The following CFAP20DC variants were observed in gnomAD, a reference collection of about 807,000 sequenced individuals.
CFAP20DC encodes the protein CFAP20 domain containing, also known as protein CFAP20DC.
CFAP20DC carries 84 observed loss-of-function variants against 101.7 expected under a neutral mutation model. The observed-to-expected ratio is 0.83, with a 90% confidence interval of 0.69 to 0.99. CFAP20DC has a LOEUF of 0.99. Among genes scored for constraint, CFAP20DC ranks in the 50% least tolerant of loss-of-function variants. CFAP20DC has a pLI of 0.00. For synonymous variants in CFAP20DC, 359 were observed against 351.2 expected (o/e 1.02, Z -0.25); for missense variants, 1,007 against 970.3 (o/e 1.04, Z -0.50).
intron 4 of CFAP20DC, among the ~76,000 whole-genome samples, chr3:59,008,604 A>G (rs2093497605): frequency 6.6e-6 from 1 of 152,124 alleles, no homozygotes; most frequent in Non-Finnish European, 1.5e-5. Flanking sequence ...CAAAACTATC[A>G]CAAGGACAAA....
At chr3:58,934,506 T>G (rs1348305778) in intron 5 of CFAP20DC, among the ~76,000 whole-genome samples, 3 of 152,112 alleles carry the variant, frequency 2.0e-5, no homozygotes, top group Non-Finnish European at 4.4e-5. Flanking sequence ...TGATGAACAT[T>G]GATGCAAAAA....
chr3:58,818,099 T>C (rs1425646216), intron 14 of CFAP20DC, among the ~76,000 whole-genome samples: 2 of 150,250 alleles, frequency 1.3e-5, no homozygotes, highest in African/African-American at 2.5e-5. Context: ...CTGAGAGATT[T>C]TGTCACCACC....
intron 7 of CFAP20DC, among the ~76,000 whole-genome samples, chr3:58,879,411 T>C (rs2081050566): frequency 6.6e-6 from 1 of 152,228 alleles, no homozygotes; most frequent in East Asian, 1.9e-4. Context: ...AAGGGTTCAG[T>C]GCTTAGAACG....
chr3:58,731,329 T>G (rs2067642181), intron 3 of CFAP20DC, among the ~76,000 whole-genome samples: 1 of 152,228 alleles, frequency 6.6e-6, no homozygotes, highest in Admixed American at 6.5e-5. Context: ...TTTTCACTCC[T>G]CTGAACATGT....
At chr3:58,916,083 C>T (rs1187747302) in intron 5 of CFAP20DC, among the ~76,000 whole-genome samples, 2 of 152,040 alleles carry the variant, frequency 1.3e-5, no homozygotes, top group Admixed American at 6.6e-5. Flanking sequence ...TCTATGATTA[C>T]CTTTTCCTTC....
At chr3:58,915,938 T>C (rs1350163583) in intron 5 of CFAP20DC, among the ~76,000 whole-genome samples, 1 of 152,056 alleles carries the variant, frequency 6.6e-6, no homozygotes, top group Non-Finnish European at 1.5e-5. Flanking sequence ...GCTAATACCC[T>C]GCTTCCCCTA....
chr3:59,031,956 C>T (rs2094003495), intron 4 of CFAP20DC, among the ~76,000 whole-genome samples: 1 of 152,142 alleles, frequency 6.6e-6, no homozygotes, highest in South Asian at 2.1e-4. Context: ...GTGAGATCAA[C>T]CCAGAAGGCA....
At position 59,025,355 on chromosome 3, in the gene CFAP20DC, T is replaced by C. The variant is rs1053713751; in HGVS notation, c.278+14202A>G. Among the ~76,000 whole-genome samples the C allele has an allele frequency of 1.3e-5, 2 of 152,116 alleles. 1 individual carries two copies. Among genetic ancestry groups the C allele is most frequent in the South Asian group, 4.1e-4 (2 of 4,832 alleles). On this transcript the variant is annotated intron_variant, in intron 4 of 16. Transcript: ENST00000482387. ...TCTTTAGGGACAAGTAGCATGAAAG[T>C]AGACAGGCTCCATCTGTCTTTAGGG...
intron 4 of CFAP20DC, among the ~76,000 whole-genome samples, chr3:59,022,709 A>C (rs772863837): frequency 2.0e-5 from 3 of 152,096 alleles, no homozygotes; most frequent in Non-Finnish European, 2.9e-5. Flanking sequence ...AGTTTATTAT[A>C]ATATATTTTA....
chr3:59,038,668 T>C (rs1391185571), intron 4 of CFAP20DC, among the ~76,000 whole-genome samples: 2 of 152,140 alleles, frequency 1.3e-5, no homozygotes, highest in Non-Finnish European at 2.9e-5. Context: ...TGACCTATGA[T>C]AGTGATCTTT....
At chr3:58,890,441 C>G (rs1440806350) in intron 6 of CFAP20DC, among the ~76,000 whole-genome samples, 1 of 134,584 alleles carries the variant, frequency 7.4e-6, no homozygotes, top group Non-Finnish European at 1.6e-5. Flanking sequence ...GGGGGGCTGA[C>G]CCCCCCCACG....
At chr3:58,720,545 T>A (rs2107045190) in intron 3 of CFAP20DC, among the ~76,000 whole-genome samples, 1 of 152,334 alleles carries the variant, frequency 6.6e-6, no homozygotes, top group South Asian at 2.1e-4. Flanking sequence ...GGAAGAAATA[T>A]CCTTGCCAAC....
At chr3:58,787,019 T>C (rs2072403295) in intron 15 of CFAP20DC, among the ~76,000 whole-genome samples, 1 of 151,796 alleles carries the variant, frequency 6.6e-6, no homozygotes, top group Admixed American at 6.6e-5. Flanking sequence ...ATGTACCCCC[T>C]GTAGATAAGG....
At chr3:58,994,353 T>C (rs995541419) in intron 4 of CFAP20DC, among the ~76,000 whole-genome samples, 3 of 152,302 alleles carry the variant, frequency 2.0e-5, no homozygotes, top group African/African-American at 7.2e-5. Flanking sequence ...GCTGGAAGTA[T>C]GATGGCTGGA....
intron 4 of CFAP20DC, among the ~76,000 whole-genome samples, chr3:59,009,378 CAAG>C (rs1425324224): frequency 2.6e-5 from 4 of 151,836 alleles, no homozygotes. Context: ...TTAAGCTACT[CAAG>C]GAGATACCAA....
At position 58,820,947 on chromosome 3, in the gene CFAP20DC, T is replaced by C. The variant is rs1309043847; in HGVS notation, c.2175+10739A>G. ...CATGGTACTGGTACCAAAACAGAGA[T>C]ATAGATCAATGGAACAGAATAGAGC... On this transcript the variant is annotated intron_variant, in intron 14 of 16. Transcript: ENST00000482387. Among the ~76,000 whole-genome samples, 3 of 150,378 alleles carry C rather than the reference T, an allele frequency of 2.0e-5. No individual in the cohort carries two copies. In the East Asian group the frequency reaches 6.0e-4, roughly 30 times the overall value.
chr3:58,792,090 A>G (rs1035168036), intron 15 of CFAP20DC, among the ~76,000 whole-genome samples: 1 of 152,156 alleles, frequency 6.6e-6, no homozygotes, highest in African/African-American at 2.4e-5. Context: ...TGCTACATAT[A>G]TTTCAGAATT....
rs2073479661 is a variant in CFAP20DC, at chr3:58,799,148, G to C, written c.2237+7247C>G. Among the ~76,000 whole-genome samples, 1 of 151,806 alleles carries C rather than the reference G, an allele frequency of 6.6e-6. No homozygotes were observed. Among genetic ancestry groups the C allele is most frequent in the Non-Finnish European group, 1.5e-5 (1 of 67,972 alleles). On this transcript the variant is annotated intron_variant, in intron 15 of 16. Transcript: ENST00000482387. This position sits in a 1 kb window ranked among gnomAD's most constrained non-coding sequence, Gnocchi z 4.9. ...TTGCTTACCCAGATTCTATTAGCCT[G>C]GTGAGAACTGAGTACACCTTCTGCA...
At chr3:58,797,230 C>A (rs2073325482) in intron 15 of CFAP20DC, among the ~76,000 whole-genome samples, 1 of 152,108 alleles carries the variant, frequency 6.6e-6, no homozygotes, top group South Asian at 2.1e-4. Flanking sequence ...CCTCTTGCAC[C>A]AAAAGCTAAG....
Sources: gnomAD v4.1 joint callset for allele counts (sites outside exome capture counted in the v4.1 genomes callset) on GRCh38, gnomAD v4.1.1 for gene constraint, Gnocchi (gnomAD v3.1) non-coding constraint, MANE v1.5 for transcripts, NCBI Gene and HGNC (gene_info 2026-07-23, HGNC 2026-07-21) for gene names.